Variants in KRT35 observed in about 807,000 individuals in gnomAD.
The protein encoded by KRT35 is keratin 35.
In KRT35, 33 loss-of-function variants were observed where a neutral mutation model predicts 42.2. That is an observed-to-expected ratio of 0.78 (90% CI 0.59 to 1.05). KRT35 has a LOEUF of 1.05. KRT35 is among the 50% of genes least tolerant of loss of function. The pLI, the probability that KRT35 is intolerant of heterozygous loss-of-function variation, is 0.00. For synonymous variants in KRT35, 218 were observed against 238.2 expected (o/e 0.92, Z 0.78); for missense variants, 585 against 589.2 (o/e 0.99, Z 0.07).
chr17:41,479,214 C>A, intron 3 of KRT35, 133 bp downstream of exon 3: 1 of 1,107,268 alleles, frequency 9.0e-7, no homozygotes, highest in Non-Finnish European at 1.3e-6. Context: ...CTCCTCTTCC[C>A]TATGCACACC....
At chr17:41,478,182 C>T (rs35944337) in intron 5 of KRT35, among the ~76,000 whole-genome samples, 179 bp downstream of exon 5, 25,697 of 152,080 alleles carry the variant, frequency 0.17, 2,518 homozygotes, top group Non-Finnish European at 0.22. Flanking sequence ...TGTCCTTTAC[C>T]ACTGGGGGAT....
Position 41,480,988 on chromosome 17 carries a change from C to T in KRT35, c.110G>A (p.Cys37Tyr). 1 of 1,614,124 alleles carries T rather than the reference C, an allele frequency of 6.2e-7. No homozygotes were observed. The highest frequency in any genetic ancestry group is 2.2e-5 in the East Asian group (1 of 44,880). ...RVSAMYSSSS[C>Y]KLPSLSPVAR... ...CACAGGGGAGAGACTTGGAAGCTTG[C>T]AAGAGCTGCTGGAGTACATTGCGGA... Residue 37 changes from cysteine (C) to tyrosine (Y), a missense_variant, in exon 1 of 7, where the codon TGC (cysteine) becomes TAC (tyrosine). Cys to Tyr is a radical substitution (Grantham distance 194). Coordinates refer to ENST00000246639, the MANE Select transcript of KRT35 (RefSeq NM_002280.6).
At chr17:41,478,768 C>T (rs962414320) in intron 4 of KRT35, 66 bp downstream of exon 4, 19 of 1,480,072 alleles carry the variant, frequency 1.3e-5, no homozygotes, top group African/African-American at 2.8e-5. Context: ...TGATTCAGAG[C>T]CCCAGGGTCA....
rs1423525358 is a variant in KRT35 at position 41,477,517 on chromosome 17, C to G, written c.1220+1G>C. 1 of 1,613,076 alleles carries G rather than the reference C, an allele frequency of 6.2e-7. No individual in the cohort carries two copies. The highest frequency in any genetic ancestry group is 2.2e-5 in the East Asian group (1 of 44,886). On this transcript the variant is annotated splice_donor_variant, in intron 6 of 6. Transcript: ENST00000246639. LOFTEE classifies it high-confidence loss of function. ...ACAAGAGCACATGCAGTGATACTCA[C>G]TTGCTGTCCTCACTCTCCAGCAGGC...
chr17:41,478,292 T>C, intron 5 of KRT35, 69 bp downstream of exon 5: 1 of 1,560,262 alleles, frequency 6.4e-7, no homozygotes, highest in Non-Finnish European at 8.7e-7. Context: ...GGTCAAAGCA[T>C]GGAAGCTGGG....
In KRT35 at chr17:41,479,279, C is replaced by T. The variant is rs566960797; in HGVS notation, c.711+68G>A. ...TCACCTCATCCCCAATGCTCACCTC[C>T]TCCCCATGTTCACCTCCTCCCCCAT... On this transcript the variant is annotated intron_variant, in intron 3 of 6. Coordinates refer to ENST00000246639, the MANE Select transcript of KRT35 (RefSeq NM_002280.6). 7 of 1,523,810 alleles carry T rather than the reference C, an allele frequency of 4.6e-6. No individual in the cohort carries two copies. In the East Asian group the frequency reaches 6.9e-5, roughly 15 times the overall value. The allele number at this position is 1,523,810 out of a possible 1,614,324, so 94.4% of individuals were successfully genotyped here. A position where few individuals can be genotyped will look rare whatever the true frequency, so the allele number is the denominator to read the frequency against.
chr17:41,478,020 A>T (rs1249054027), intron 5 of KRT35, among the ~76,000 whole-genome samples: 1 of 152,252 alleles, frequency 6.6e-6, no homozygotes, highest in African/African-American at 2.4e-5. Context: ...ATCTCACTTG[A>T]GATGAGCTAA....
intron 4 of KRT35, 40 bp downstream of exon 4, chr17:41,478,794 C>T (rs374609984): frequency 2.2e-4 from 343 of 1,579,624 alleles, no homozygotes; most frequent in Middle Eastern, 3.4e-4. Context: ...ATGTGAGCCA[C>T]CACATACCCC....
rs2144468468 is a variant in KRT35 at position 41,476,998 on chromosome 17, G to A, written c.*58C>T. ...ATTGGGCTACAAGGGTTAAGTTTGG[G>A]TAGAGGCCAAGTTCAAGCCCTGGAG... On this transcript the variant is annotated 3_prime_UTR_variant, in exon 7 of 7. Coordinates refer to ENST00000246639, the MANE Select transcript of KRT35 (RefSeq NM_002280.6). 1 of 1,484,666 alleles carries A rather than the reference G, an allele frequency of 6.7e-7. No individual in the cohort carries two copies. Among genetic ancestry groups the A allele is most frequent in the East Asian group, 2.3e-5 (1 of 42,944 alleles). 92.0% of individuals were successfully genotyped at this position (1,484,666 alleles called of 1,614,324 possible). A position where few individuals can be genotyped will look rare whatever the true frequency, so the allele number is the denominator to read the frequency against.
intron 4 of KRT35, 104 bp downstream of exon 4, chr17:41,478,730 C>G (rs1216836924): frequency 7.8e-7 from 1 of 1,280,672 alleles, no homozygotes; most frequent in African/African-American, 1.5e-5. Flanking sequence ...AAGGTCAAAA[C>G]AGAGATGGGA....
rs1029881335 is a variant in KRT35 at position 41,478,455 on chromosome 17, C to G, written c.905G>C (p.Ser302Thr). ...CTGGCAGGACTGCAACTGCTCTGAG[C>G]TGGACACCACCTGCTGGTTCAGCTC... ...SEELNQQVVS[S>T]SEQLQSCQAE... The change falls in exon 5 of 7, where the codon AGC (serine) becomes ACC (threonine). Residue 302 changes from serine to threonine, a missense_variant. Transcript: ENST00000246639. 20 of 1,614,000 alleles carry G rather than the reference C, an allele frequency of 1.2e-5. No homozygotes were observed. The highest frequency in any genetic ancestry group is 1.7e-5 in the Non-Finnish European group (20 of 1,179,988).
Position 41,476,962 on chromosome 17 carries a change from G to A in KRT35, c.*94C>T, listed in dbSNP as rs1228685864. 4.7e-5 allele frequency: 59 copies of A among 1,265,062 alleles called. 1 individual carries two copies. The highest frequency in any genetic ancestry group is 1.2e-4 in the African/African-American group (8 of 65,552). The allele number at this position is 1,265,062 out of a possible 1,614,324, so 78.4% of individuals were successfully genotyped here. On this transcript the variant is annotated 3_prime_UTR_variant, in exon 7 of 7. Coordinates refer to ENST00000246639, the MANE Select transcript of KRT35 (RefSeq NM_002280.6). ...CAGACCCTGGGCCTGGGCTCTGCGC[G>A]AAGAGAGGGGATTGGGCTACAAGGG...
At chr17:41,478,336 A>C (rs2019207985) in intron 5 of KRT35, 25 bp downstream of exon 5, 2 of 1,609,230 alleles carry the variant, frequency 1.2e-6, no homozygotes, top group East Asian at 4.5e-5. Context: ...GTCCAGAGGC[A>C]GCTCCACCCT....
chr17:41,478,052 A>G (rs1390690329), intron 5 of KRT35, among the ~76,000 whole-genome samples: 3 of 152,186 alleles, frequency 2.0e-5, no homozygotes, highest in Admixed American at 2.0e-4. Context: ...GGCTTCTTTG[A>G]TCTAGAAAGT....
At chr17:41,477,878 T>A (rs1477523728) in intron 5 of KRT35, 140 bp from the exon 6 acceptor site, 2 of 1,247,916 alleles carry the variant, frequency 1.6e-6, no homozygotes, top group Non-Finnish European at 2.2e-6. Context: ...AGGTCAAGAG[T>A]TGTGTAGGGA....
intron 1 of KRT35, 88 bp from the exon 2 acceptor site, chr17:41,479,869 G>A: frequency 9.2e-7 from 1 of 1,085,618 alleles, no homozygotes; most frequent in Non-Finnish European, 1.4e-6. Context: ...GACTCTGGAA[G>A]GAGGAAGTCA....
At chr17:41,479,242 C>T in intron 3 of KRT35, 105 bp downstream of exon 3, 1 of 1,283,738 alleles carries the variant, frequency 7.8e-7, no homozygotes, top group Non-Finnish European at 1.1e-6. Flanking sequence ...TCATGTTCAC[C>T]TCCCCCTATG....
At position 41,478,932 on chromosome 17, in the gene KRT35, G is replaced by A. The variant is rs1450302276; in HGVS notation, c.775C>T (p.Pro259Ser). 20 of 1,613,926 alleles carry A rather than the reference G, an allele frequency of 1.2e-5. No individual in the cohort carries two copies. The Admixed American group carries it at 3.2e-4, about 26-fold the overall frequency. Residue 259 changes from proline to serine, a missense_variant, in exon 4 of 7, where the codon CCT (proline) becomes TCT (serine). Coordinates refer to ENST00000246639, the MANE Select transcript of KRT35 (RefSeq NM_002280.6). The part of the protein sequence containing the change: ...RLNVEVDAAP[P>S]VDLNRVLEEM... The stretch of plus-strand genomic sequence containing the variant: ...TCCAGAACTCGGTTCAGGTCAACAG[G>A]TGGGGCAGCGTCCACCTCAACATTG...
chr17:41,480,142 G>T (rs891338105), intron 1 of KRT35, among the ~76,000 whole-genome samples: 7 of 152,190 alleles, frequency 4.6e-5, no homozygotes, highest in African/African-American at 1.7e-4. Context: ...GGTCATAAAT[G>T]GTCCCTCACA....
Sources: gnomAD v4.1 joint callset for allele counts (sites outside exome capture counted in the v4.1 genomes callset) on GRCh38, gnomAD v4.1.1 for gene constraint, MANE v1.5 for transcripts, NCBI Gene and HGNC (gene_info 2026-07-23, HGNC 2026-07-21) for gene names.